Variants in CCDC7 observed in about 807,000 individuals in gnomAD.
The protein encoded by CCDC7 is coiled-coil domain-containing protein 7.
Under a neutral mutation model 196.9 loss-of-function variants are expected in CCDC7, and 183 were observed. That is an observed-to-expected ratio of 0.93 (90% CI 0.82 to 1.05). The LOEUF (loss-of-function observed/expected upper bound fraction) is 1.05. CCDC7 is among the 50% of genes least tolerant of loss of function. CCDC7 has a pLI of 0.00. For missense variants in CCDC7, 1,540 were observed against 1,482.2 expected (o/e 1.04, Z -0.64); for synonymous variants, 525 against 484.6 (o/e 1.08, Z -1.10).
intron 29 of CCDC7, among the ~76,000 whole-genome samples, chr10:32,789,194 T>A (rs1466279997): frequency 1.3e-5 from 2 of 150,842 alleles, no homozygotes; most frequent in South Asian, 4.2e-4. Context: ...ACAAGAATTA[T>A]GAACAATCAG....
chr10:32,489,784 T>C (rs1053410050), intron 8 of CCDC7, among the ~76,000 whole-genome samples: 1 of 152,004 alleles, frequency 6.6e-6, no homozygotes, highest in Non-Finnish European at 1.5e-5. Context: ...AAGGGGGCTG[T>C]GGTGTCTGAG....
At chr10:32,613,556 A>G (rs1394208300) in intron 18 of CCDC7, among the ~76,000 whole-genome samples, 6 of 152,178 alleles carry the variant, frequency 3.9e-5, no homozygotes, top group Non-Finnish European at 5.9e-5. Flanking sequence ...ATTTAGTGCT[A>G]TAAATTGCCC....
intron 28 of CCDC7, among the ~76,000 whole-genome samples, chr10:32,770,875 A>T (rs2079062483): frequency 6.6e-6 from 1 of 152,022 alleles, no homozygotes; most frequent in African/African-American, 2.4e-5. Context: ...TGTTGCTTTG[A>T]AGTATTTTGT....
chr10:32,447,915 A>C (rs1043452655), upstream of CCDC7, among the ~76,000 whole-genome samples: 18 of 152,118 alleles, frequency 1.2e-4, no homozygotes, highest in Non-Finnish European at 2.2e-4. Flanking sequence ...AAAACGAAAA[A>C]TGTAAAAGGG....
At chr10:32,647,217 CT>C (rs2067914635) in intron 20 of CCDC7, among the ~76,000 whole-genome samples, 1 of 152,134 alleles carries the variant, frequency 6.6e-6, no homozygotes, top group Non-Finnish European at 1.5e-5. Flanking sequence ...TAAATGTTCC[CT>C]TTTATAGGCT....
At chr10:32,674,060 TCA>T (rs1171899951) in intron 21 of CCDC7, among the ~76,000 whole-genome samples, 6 of 151,784 alleles carry the variant, frequency 4.0e-5, no homozygotes, top group African/African-American at 1.2e-4. Flanking sequence ...AAAACCGAAC[TCA>T]CATTTTCATC....
intron 32 of CCDC7, among the ~76,000 whole-genome samples, chr10:32,830,044 C>A (rs1374639000): frequency 6.8e-6 from 1 of 146,258 alleles, no homozygotes; most frequent in Non-Finnish European, 1.5e-5. Flanking sequence ...CAGGAGCTGA[C>A]CTATTGTGGG....
At chr10:32,663,509 T>C (rs2071967445) in intron 20 of CCDC7, among the ~76,000 whole-genome samples, 1 of 152,164 alleles carries the variant, frequency 6.6e-6, no homozygotes, top group Non-Finnish European at 1.5e-5. Flanking sequence ...ATCTTTCTTC[T>C]ATTTCAATTT....
intron 30 of CCDC7, among the ~76,000 whole-genome samples, chr10:32,808,228 G>C (rs1592969763): frequency 1.3e-5 from 2 of 152,106 alleles, no homozygotes; most frequent in African/African-American, 4.8e-5. Flanking sequence ...TCTCAGCCTA[G>C]AGCCGTGTTT....
chr10:32,862,344 C>G (rs1048622729), intron 41 of CCDC7, among the ~76,000 whole-genome samples: 2 of 146,056 alleles, frequency 1.4e-5, no homozygotes, highest in Non-Finnish European at 3.0e-5. Flanking sequence ...CATGTTCTCA[C>G]TTATAAGTGG....
At chr10:32,690,032 G>C (rs1477108364) in intron 23 of CCDC7, among the ~76,000 whole-genome samples, 1 of 152,170 alleles carries the variant, frequency 6.6e-6, no homozygotes, top group Non-Finnish European at 1.5e-5. Context: ...GTTGCACCTA[G>C]CCTGGGCTTA....
At chr10:32,796,048 A>C (rs2083497571) in intron 29 of CCDC7, among the ~76,000 whole-genome samples, 2 of 152,256 alleles carry the variant, frequency 1.3e-5, no homozygotes, top group South Asian at 4.2e-4. Flanking sequence ...TTTGAGGGCT[A>C]AGGATGATAG....
chr10:32,732,573 CTA>C (rs746658494), intron 28 of CCDC7, among the ~76,000 whole-genome samples: 6 of 151,972 alleles, frequency 3.9e-5, no homozygotes, highest in East Asian at 3.8e-4. Context: ...AATTTTTGTT[CTA>C]TGTTTCTAAA....
chr10:32,563,858 C>G (rs1470689582), intron 13 of CCDC7, among the ~76,000 whole-genome samples: 1 of 151,808 alleles, frequency 6.6e-6, no homozygotes, highest in African/African-American at 2.4e-5. Context: ...TCAGAGTGAA[C>G]AGGCAACCTA....
intron 20 of CCDC7, among the ~76,000 whole-genome samples, chr10:32,651,857 C>T (rs941601660): frequency 4.6e-5 from 7 of 152,142 alleles, no homozygotes; most frequent in African/African-American, 1.7e-4. Context: ...CTGACATTAG[C>T]CATTAGGCTG....
intron 20 of CCDC7, among the ~76,000 whole-genome samples, chr10:32,640,086 T>A (rs2066444871): frequency 6.6e-6 from 1 of 152,222 alleles, no homozygotes; most frequent in Non-Finnish European, 1.5e-5. Context: ...GTTCAGTTCC[T>A]GGATATCCTT....
rs571063284 is a variant in CCDC7 at position 32,645,259 on chromosome 10, A to G, written c.2014+10101A>G. On this transcript the variant is annotated intron_variant, in intron 20 of 41. Coordinates refer to ENST00000639629, the Ensembl canonical transcript of CCDC7. ...TACACTGTTTGTGGGTATATAAATT[A>G]GTGTAAACACTATGGAAATCAGTAT... Among the ~76,000 whole-genome samples the G allele has an allele frequency of 3.3e-5, 5 of 152,304 alleles. No individual in the cohort carries two copies. The East Asian group carries it at 7.7e-4, about 24-fold the overall frequency.
At chr10:32,689,008 G>T (rs779618074) in intron 22 of CCDC7, 45 bp from the exon 24 acceptor site, 1 of 1,211,834 alleles carries the variant, frequency 8.3e-7, no homozygotes. Flanking sequence ...GATTTCAAAT[G>T]GATTTATTTG....
intron 8 of CCDC7, among the ~76,000 whole-genome samples, chr10:32,481,952 T>G (rs1406105139): frequency 6.6e-6 from 1 of 152,170 alleles, no homozygotes; most frequent in Non-Finnish European, 1.5e-5. Flanking sequence ...CTTTAATTTT[T>G]GACAGTTTGG....
Sources: gnomAD v4.1 joint callset for allele counts (sites outside exome capture counted in the v4.1 genomes callset) on GRCh38, gnomAD v4.1.1 for gene constraint, MANE v1.5 for transcripts, NCBI Gene and HGNC (gene_info 2026-07-23, HGNC 2026-07-21) for gene names.